TNFAIP8: variants seen among roughly 807,000 people sequenced by gnomAD.
TNFAIP8 encodes the protein tumor necrosis factor alpha-induced protein 8.
Under a neutral mutation model 13.3 loss-of-function variants are expected in TNFAIP8, and 7 were observed. The observed-to-expected ratio is 0.52, with a 90% CI of 0.30 to 0.99. The LOEUF (loss-of-function observed/expected upper bound fraction) is 0.99. Ranked by LOEUF, TNFAIP8 falls within the 50% of genes least tolerant of loss-of-function variation. TNFAIP8 has a pLI of 0.07. For synonymous variants in TNFAIP8, 94 were observed against 87.6 expected, an observed-to-expected ratio of 1.07 and a Z score of -0.41; for missense variants, 258 against 236.9, an observed-to-expected ratio of 1.09 and a Z score of -0.58.
upstream of TNFAIP8, among the ~76,000 whole-genome samples, chr5:119,353,147 T>C (rs931366481): frequency 6.6e-6 from 1 of 152,258 alleles, no homozygotes. Context: ...ATGACTTCCA[T>C]ACATGTTGCC....
Position 119,311,241 on chromosome 5 carries a change from C to T in TNFAIP8, c.1+42334C>T, listed in dbSNP as rs564704651. On this transcript the variant is annotated intron_variant, in intron 1 of 1. Coordinates refer to the TNFAIP8 transcript ENST00000274456. ...GTCTTGCTATGATGCCCAAGCTGGT[C>T]TTGAACCCTTGGGCTCAAGTGATCT... Among the ~76,000 whole-genome samples, 3 of 152,224 alleles carry T rather than the reference C, an allele frequency of 2.0e-5. No homozygotes were observed. In the East Asian group the frequency reaches 5.8e-4, roughly 30 times the overall value.
chr5:119,341,007 T>G (rs1303727973), intron 1 of TNFAIP8, among the ~76,000 whole-genome samples: 1 of 151,974 alleles, frequency 6.6e-6, no homozygotes, highest in East Asian at 1.9e-4. Context: ...TGGCAGGTAC[T>G]TCTGTTATAA....
At chr5:119,346,683 TAAC>T (rs1289862464) in intron 1 of TNFAIP8, among the ~76,000 whole-genome samples, 3 of 152,056 alleles carry the variant, frequency 2.0e-5, no homozygotes, top group African/African-American at 7.2e-5. Context: ...AAAAGGAAAA[TAAC>T]ACAATATGTT....
At chr5:119,295,257 C>CG (rs1463290580) in intron 1 of TNFAIP8, among the ~76,000 whole-genome samples, 4 of 82,970 alleles carry the variant, frequency 4.8e-5, no homozygotes, top group Non-Finnish European at 9.3e-5. Context: ...TTTAGTCTAA[C>CG]GTTAGACCTA....
intron 1 of TNFAIP8, among the ~76,000 whole-genome samples, chr5:119,286,616 C>A (rs1483131430): frequency 6.3e-5 from 6 of 95,230 alleles, no homozygotes; most frequent in Admixed American, 2.5e-4. Flanking sequence ...AGCAAGACTC[C>A]CTCTCAAAAA....
intron 1 of TNFAIP8, among the ~76,000 whole-genome samples, chr5:119,339,846 C>T (rs541191526): frequency 9.8e-5 from 15 of 152,320 alleles, no homozygotes; most frequent in African/African-American, 3.4e-4. Flanking sequence ...CCTTACATTT[C>T]ATAACTATGA....
chr5:119,299,104 A>G (rs1304629179), intron 1 of TNFAIP8, among the ~76,000 whole-genome samples: 2 of 152,004 alleles, frequency 1.3e-5, no homozygotes, highest in Non-Finnish European at 1.5e-5. Flanking sequence ...TCTTCTCTCA[A>G]CTCATCAAAG....
intron 1 of TNFAIP8, among the ~76,000 whole-genome samples, chr5:119,323,838 G>A (rs1750134119): frequency 6.6e-6 from 1 of 152,148 alleles, no homozygotes; most frequent in Admixed American, 6.5e-5. Context: ...TTGAGCTTGT[G>A]TAAGCCAGGA....
At chr5:119,365,889 G>A (rs1377015104) in intron 1 of TNFAIP8, among the ~76,000 whole-genome samples, 4 of 152,134 alleles carry the variant, frequency 2.6e-5, no homozygotes, top group Non-Finnish European at 4.4e-5. Context: ...GAATTCAGGG[G>A]CAAGTAGCAC....
intron 1 of TNFAIP8, among the ~76,000 whole-genome samples, chr5:119,313,194 T>G (rs1749785543): frequency 6.6e-6 from 1 of 152,210 alleles, no homozygotes; most frequent in African/African-American, 2.4e-5. Context: ...TTATAGATAA[T>G]TAGTTCAAAG....
intron 1 of TNFAIP8, among the ~76,000 whole-genome samples, chr5:119,348,661 A>G (rs57598751): frequency 0.16 from 24,204 of 151,964 alleles, 3,637 homozygotes; most frequent in African/African-American, 0.4. Flanking sequence ...TGGGTGGATC[A>G]CCTGAGGTCA....
At chr5:119,304,065 C>A (rs1308920551) in intron 1 of TNFAIP8, among the ~76,000 whole-genome samples, 1 of 152,018 alleles carries the variant, frequency 6.6e-6, no homozygotes, top group African/African-American at 2.4e-5. Flanking sequence ...CCTGTCATTC[C>A]CCAGCTTGAA....
intron 1 of TNFAIP8, among the ~76,000 whole-genome samples, chr5:119,287,363 G>C (rs973405169): frequency 6.7e-6 from 1 of 148,446 alleles, no homozygotes; most frequent in Non-Finnish European, 1.5e-5. Flanking sequence ...TATTCAAGGG[G>C]TAGAATGTGA....
intron 1 of TNFAIP8, among the ~76,000 whole-genome samples, chr5:119,293,868 A>C (rs894169109): frequency 5.3e-5 from 8 of 152,166 alleles, no homozygotes; most frequent in African/African-American, 1.9e-4. Flanking sequence ...AAAAGTTTTT[A>C]AAAGGGCAGT....
At chr5:119,385,525 A>G (rs1752636303) in intron 1 of TNFAIP8, among the ~76,000 whole-genome samples, 1 of 152,292 alleles carries the variant, frequency 6.6e-6, no homozygotes, top group East Asian at 1.9e-4. Context: ...AGTTTTCTCT[A>G]GGCAGAATAC....
intron 1 of TNFAIP8, among the ~76,000 whole-genome samples, chr5:119,375,464 G>A (rs1418804490): frequency 6.6e-6 from 1 of 152,168 alleles, no homozygotes; most frequent in East Asian, 1.9e-4. Context: ...ACATTGATTG[G>A]TTGTGTTATG....
intron 1 of TNFAIP8, among the ~76,000 whole-genome samples, 177 bp downstream of exon 1, chr5:119,356,298 C>T (rs1751411188): frequency 1.3e-5 from 2 of 152,286 alleles, no homozygotes; most frequent in South Asian, 2.1e-4. Context: ...ATCTTGGGCT[C>T]CCTTCTCCCC....
intron 1 of TNFAIP8, among the ~76,000 whole-genome samples, chr5:119,359,784 G>A (rs954289461): frequency 6.6e-6 from 1 of 152,244 alleles, no homozygotes; most frequent in Non-Finnish European, 1.5e-5. Flanking sequence ...GAAGAGAAAA[G>A]GAGGTTAAAG....
At chr5:119,354,412 G>C (rs957971765), upstream of TNFAIP8, 1 of 152,176 alleles carries the variant, frequency 6.6e-6, no homozygotes, top group Admixed American at 6.5e-5. Context: ...AGGCAGGTTA[G>C]AATCTCTCAG....
Sources: gnomAD v4.1 joint callset for allele counts (sites outside exome capture counted in the v4.1 genomes callset) on GRCh38, gnomAD v4.1.1 for gene constraint, MANE v1.5 for transcripts, NCBI Gene and HGNC (gene_info 2026-07-23, HGNC 2026-07-21) for gene names.